Variants in KIF26B observed in about 807,000 individuals in gnomAD.
KIF26B encodes the protein kinesin-like protein KIF26B.
In KIF26B, 63 loss-of-function variants were observed where a neutral mutation model predicts 151.2. That is an observed-to-expected ratio of 0.42 (90% CI 0.34 to 0.51). KIF26B has a LOEUF of 0.51. Among genes scored for constraint, KIF26B ranks in the 20% least tolerant of loss-of-function variants. The pLI, the probability that KIF26B is intolerant of heterozygous loss-of-function variation, is 0.07. For synonymous variants in KIF26B, 1,357 were observed against 1,262.1 expected (o/e 1.08, Z -1.59); for missense variants, 2,813 against 2,913.6 (o/e 0.97, Z 0.79).
chr1:245,593,892 T>C (rs1000615728), intron 5 of KIF26B, among the ~76,000 whole-genome samples: 1 of 152,246 alleles, frequency 6.6e-6, no homozygotes, highest in African/African-American at 2.4e-5. Context: ...TATCTCATTG[T>C]GGTGTTGCTT....
intron 3 of KIF26B, among the ~76,000 whole-genome samples, chr1:245,390,131 T>C (rs560649011): frequency 1.2e-3 from 189 of 152,092 alleles, no homozygotes; most frequent in Non-Finnish European, 1.6e-3. Context: ...CAAGCTATGC[T>C]GGTCATGCTA....
chr1:245,489,874 A>G (rs902255278), intron 4 of KIF26B, among the ~76,000 whole-genome samples: 1 of 152,182 alleles, frequency 6.6e-6, no homozygotes, highest in Non-Finnish European at 1.5e-5. Context: ...ACTTTATACC[A>G]ATTATCTGAG....
intron 2 of KIF26B, among the ~76,000 whole-genome samples, chr1:245,172,250 G>A (rs1020364274): frequency 6.6e-6 from 1 of 152,128 alleles, no homozygotes; most frequent in Admixed American, 6.5e-5. Context: ...CGTGGTAAGT[G>A]CAGAGTTAGG....
intron 4 of KIF26B, among the ~76,000 whole-genome samples, chr1:245,537,842 T>C (rs945579102): frequency 5.3e-5 from 8 of 152,160 alleles, no homozygotes; most frequent in African/African-American, 1.9e-4. Context: ...ATTAGATACA[T>C]AAATAAGGAT....
At chr1:245,266,225 A>G (rs1004314072) in intron 2 of KIF26B, among the ~76,000 whole-genome samples, 5 of 152,210 alleles carry the variant, frequency 3.3e-5, no homozygotes, top group Non-Finnish European at 2.9e-5. Context: ...AGGAACCCCA[A>G]ATTAAAGCCA....
chr1:245,678,002 A>AGGGAT (rs1461901862), intron 10 of KIF26B, among the ~76,000 whole-genome samples: 1 of 152,222 alleles, frequency 6.6e-6, no homozygotes, highest in East Asian at 1.9e-4. Flanking sequence ...GCATTGGGCC[A>AGGGAT]GGGATGATGG....
intron 5 of KIF26B, among the ~76,000 whole-genome samples, chr1:245,548,759 T>TTTTA (rs1553286724): frequency 0.018 from 2,699 of 150,570 alleles, 79 homozygotes; most frequent in African/African-American, 0.054. Flanking sequence ...TTTTTTTTTT[T>TTTTA]AAAAACAGGG....
At chr1:245,476,497 CATTTATTTATTT>C (rs57100568) in intron 4 of KIF26B, among the ~76,000 whole-genome samples, 1 of 142,638 alleles carries the variant, frequency 7.0e-6, no homozygotes, top group Non-Finnish European at 1.5e-5. Context: ...TTAAAAGACA[CATTTATTTATTT>C]ATTTATTTAT....
chr1:245,670,094 T>C (rs527407983), intron 10 of KIF26B, among the ~76,000 whole-genome samples: 54 of 152,158 alleles, frequency 3.5e-4, no homozygotes, highest in African/African-American at 1.2e-3. Flanking sequence ...TTCATCCACG[T>C]AACCAAAAAC....
At chr1:245,557,549 G>A (rs902625882) in intron 5 of KIF26B, among the ~76,000 whole-genome samples, 2 of 152,196 alleles carry the variant, frequency 1.3e-5, no homozygotes, top group African/African-American at 4.8e-5. Flanking sequence ...TATGAGGCCC[G>A]GTTTGGGGCT....
intron 10 of KIF26B, among the ~76,000 whole-genome samples, chr1:245,654,340 A>G (rs753295813): frequency 1.5e-4 from 23 of 152,130 alleles, no homozygotes; most frequent in Non-Finnish European, 2.4e-4. Flanking sequence ...ATAAAATTAA[A>G]AAGAATGTAA....
In KIF26B at chr1:245,686,043, C is replaced by T; in HGVS notation, c.3060C>T (p.Ala1020=). 6.3e-7 allele frequency: 1 copy of T among 1,595,456 alleles called. No individual in the cohort carries two copies. Among genetic ancestry groups the T allele is most frequent in the East Asian group, 2.3e-5 (1 of 43,704 alleles). The change falls in exon 12 of 15, where the codon GCC becomes GCT. Residue 1020 remains alanine (A), a synonymous_variant. Transcript: ENST00000407071. This position sits in a 1 kb window ranked among gnomAD's most constrained non-coding sequence, Gnocchi z 5.6. ...CACCCGCCCACAGCCCCAGCCCGGC[C>T]TCACCCAGGAGCGTCCCGGGCAGCA... ...AAAPAHSPSP[A]SPRSVPGSSS...
rs558690190 is a variant in KIF26B, at chr1:245,601,810, C to G, written c.1351-767C>G. On this transcript the variant is annotated intron_variant, in intron 5 of 14. Coordinates refer to ENST00000407071, the MANE Select transcript of KIF26B (RefSeq NM_018012.4). The surrounding 1 kb of genome is among the most constrained non-coding windows in gnomAD (Gnocchi z 4.4). ...AGCCTGATTTCTGTTCACCTTAGAACCCCAAGGCTGACTGTGCATTTCCAT... is the reference window on the plus strand; with the variant it reads ...AGCCTGATTTCTGTTCACCTTAGAAGCCCAAGGCTGACTGTGCATTTCCAT... 2.0e-4 allele frequency among the ~76,000 whole-genome samples: 30 copies of G among 152,302 alleles called. No individual in the cohort carries two copies. The highest frequency in any genetic ancestry group is 7.0e-4 in the African/African-American group (29 of 41,568).
Position 245,685,733 on chromosome 1 carries a change from A to T in KIF26B, c.2750A>T (p.Glu917Val). The change falls in exon 12 of 15, where the codon GAA (glutamate) becomes GTA (valine). Residue 917 changes from glutamate (E) to valine (V), a missense_variant. Physicochemically the swap from Glu to Val is moderately radical, Grantham distance 121 (BLOSUM62 -2). Coordinates refer to ENST00000407071, the MANE Select transcript of KIF26B (RefSeq NM_018012.4). ...EAGEAAAGKS[E>V]RDCLKCNTFA... ...GGAGAGGCTGCAGCCGGCAAGTCAG[A>T]AAGGGACTGCCTGAAGTGCAACACG... 6.2e-7 allele frequency: 1 copy of T among 1,612,408 alleles called. No individual in the cohort carries two copies. Among genetic ancestry groups the T allele is most frequent in the Non-Finnish European group, 8.5e-7 (1 of 1,179,424 alleles).
chr1:245,172,941 G>C (rs1039872321), intron 2 of KIF26B, among the ~76,000 whole-genome samples: 2 of 152,204 alleles, frequency 1.3e-5, no homozygotes, highest in Non-Finnish European at 2.9e-5. Context: ...CAGTATAGCA[G>C]TACGATAGCC....
chr1:245,289,245 C>T (rs1671215086), intron 2 of KIF26B, among the ~76,000 whole-genome samples: 1 of 152,140 alleles, frequency 6.6e-6, no homozygotes, highest in African/African-American at 2.4e-5. Context: ...AATGTGGTTA[C>T]AGGGTGGGAT....
At chr1:245,366,007 A>G (rs1672940664) in intron 2 of KIF26B, among the ~76,000 whole-genome samples, 1 of 152,218 alleles carries the variant, frequency 6.6e-6, no homozygotes. Flanking sequence ...GGTACTTAGC[A>G]CACAATGCTG....
intron 12 of KIF26B, among the ~76,000 whole-genome samples, chr1:245,694,364 CCTA>C (rs2044662944): frequency 6.6e-6 from 1 of 152,218 alleles, no homozygotes; most frequent in South Asian, 2.1e-4. Flanking sequence ...CTTCCTAGTG[CCTA>C]CTCTTTGAAT....
chr1:245,630,884 A>G (rs1286032641), intron 9 of KIF26B, among the ~76,000 whole-genome samples: 1 of 151,908 alleles, frequency 6.6e-6, no homozygotes, highest in Non-Finnish European at 1.5e-5. Flanking sequence ...CCTTACATTT[A>G]TTCCTAGGTA....
Sources: gnomAD v4.1 joint callset for allele counts (sites outside exome capture counted in the v4.1 genomes callset) on GRCh38, gnomAD v4.1.1 for gene constraint, Gnocchi (gnomAD v3.1) non-coding constraint, MANE v1.5 for transcripts, NCBI Gene and HGNC (gene_info 2026-07-23, HGNC 2026-07-21) for gene names.